The following DEUP1 variants were observed in gnomAD, a reference collection of about 807,000 sequenced individuals.
The protein encoded by DEUP1 is deuterosome assembly protein 1.
A neutral mutation model predicts 87.4 loss-of-function variants in DEUP1; 82 were observed. The observed-to-expected ratio is 0.94, with a 90% CI of 0.78 to 1.13. The LOEUF (loss-of-function observed/expected upper bound fraction) is 1.13. Ranked by LOEUF, DEUP1 falls within the 50% of genes most tolerant of loss-of-function variation. The pLI is 0.00. For missense variants in DEUP1, 663 were observed against 681.5 expected (o/e 0.97, Z 0.30); for synonymous variants, 214 against 222.7 (o/e 0.96, Z 0.35).
intron 11 of DEUP1, among the ~76,000 whole-genome samples, chr11:93,406,958 C>T (rs1414290817): frequency 6.6e-6 from 1 of 151,914 alleles, no homozygotes; most frequent in Non-Finnish European, 1.5e-5. Flanking sequence ...ATCAAGTTGG[C>T]AAATTTAACG....
At chr11:93,392,968 T>TTTC (rs1238545149) in intron 9 of DEUP1, among the ~76,000 whole-genome samples, 2 of 146,070 alleles carry the variant, frequency 1.4e-5, no homozygotes, top group African/African-American at 2.5e-5. Flanking sequence ...CCTCCTCCTC[T>TTTC]TCCTCCTCCT....
chr11:93,339,087 G>T (rs929617228), intron 2 of DEUP1, among the ~76,000 whole-genome samples: 2 of 152,224 alleles, frequency 1.3e-5, no homozygotes, highest in African/African-American at 4.8e-5. Flanking sequence ...AAGTTAGGTT[G>T]TGTCTTGAAA....
intron 13 of DEUP1, among the ~76,000 whole-genome samples, chr11:93,431,035 G>T (rs1948086495): frequency 6.7e-6 from 1 of 148,444 alleles, no homozygotes; most frequent in South Asian, 2.1e-4. Context: ...AGCAGAGGTT[G>T]CAGTGAGCCG....
intron 2 of DEUP1, 93 bp downstream of exon 2, chr11:93,332,381 A>G: frequency 1.0e-6 from 1 of 968,834 alleles, no homozygotes; most frequent in Middle Eastern, 2.1e-4. Context: ...TACTATTAAT[A>G]GAAGGATATG....
chr11:93,379,154 T>C (rs1403751760), intron 7 of DEUP1, among the ~76,000 whole-genome samples: 1 of 152,174 alleles, frequency 6.6e-6, no homozygotes, highest in Non-Finnish European at 1.5e-5. Context: ...ATTGGGGCCA[T>C]TTACAGGATC....
intron 4 of DEUP1, 46 bp downstream of exon 4, chr11:93,357,089 T>C: frequency 8.6e-7 from 1 of 1,163,352 alleles, no homozygotes; most frequent in African/African-American, 1.6e-5. Flanking sequence ...TTGATATATT[T>C]TTTTTTACCT....
intron 7 of DEUP1, among the ~76,000 whole-genome samples, chr11:93,373,624 C>CGTGTGT (rs201373611): frequency 0.36 from 28,705 of 78,664 alleles, 3,221 homozygotes; most frequent in South Asian, 0.54. Context: ...TATATATATA[C>CGTGTGT]GTATATATAT....
At chr11:93,364,805 C>T (rs1945335525) in intron 5 of DEUP1, among the ~76,000 whole-genome samples, 1 of 151,868 alleles carries the variant, frequency 6.6e-6, no homozygotes, top group Non-Finnish European at 1.5e-5. Flanking sequence ...TTCACTATGT[C>T]CTCATAACTA....
chr11:93,375,279 T>C (rs572764798), intron 7 of DEUP1, among the ~76,000 whole-genome samples: 3 of 152,270 alleles, frequency 2.0e-5, no homozygotes, highest in Middle Eastern at 3.4e-3. Flanking sequence ...TGGATGCCCT[T>C]TATTTCTTTC....
At chr11:93,400,193 C>G (rs1362610895) in intron 11 of DEUP1, among the ~76,000 whole-genome samples, 1 of 152,060 alleles carries the variant, frequency 6.6e-6, no homozygotes, top group Non-Finnish European at 1.5e-5. Flanking sequence ...TAACAAAGTA[C>G]CAAAAGCTGG....
At chr11:93,365,297 A>G (rs1945358978) in intron 5 of DEUP1, among the ~76,000 whole-genome samples, 1 of 152,078 alleles carries the variant, frequency 6.6e-6, no homozygotes, top group African/African-American at 2.4e-5. Context: ...AGTCCAGCAC[A>G]TTTTACATGC....
chr11:93,361,119 G>T (rs1465493662), intron 4 of DEUP1, among the ~76,000 whole-genome samples: 2 of 152,092 alleles, frequency 1.3e-5, no homozygotes, highest in African/African-American at 2.4e-5. Context: ...CTCTGGAAAC[G>T]ATGGAGGCTT....
intron 13 of DEUP1, 62 bp downstream of exon 13, chr11:93,415,176 A>AT (rs774259307): frequency 1.0e-6 from 1 of 969,846 alleles, no homozygotes; most frequent in South Asian, 1.5e-5. Context: ...TCTTACACTG[A>AT]TGTCAATAAA....
chr11:93,342,423 A>C lies in DEUP1; in HGVS notation c.29+10135A>C, dbSNP rs977993887. On this transcript the variant is annotated intron_variant, in intron 2 of 13. Coordinates refer to ENST00000298050, the MANE Select transcript of DEUP1 (RefSeq NM_181645.4). Reference sequence around the variant, plus strand: ...CTGACTTGTCACAGAGGCAGCAAAGAGGACTCTAGCTGCAAGAGAAGGCAC... The same window carrying C: ...CTGACTTGTCACAGAGGCAGCAAAGCGGACTCTAGCTGCAAGAGAAGGCAC... 1.1e-4 allele frequency among the ~76,000 whole-genome samples: 17 copies of C among 152,220 alleles called. No individual in the cohort carries two copies. The East Asian group carries it at 1.5e-3, about 14-fold the overall frequency.
intron 13 of DEUP1, 78 bp from the exon 14 acceptor site, chr11:93,437,465 G>A (rs1565359709): frequency 9.2e-7 from 1 of 1,083,086 alleles, no homozygotes; most frequent in Non-Finnish European, 1.3e-6. Context: ...GTATGTCAGG[G>A]ATGAAGCATG....
At chr11:93,399,071 T>C (rs1185594832) in intron 11 of DEUP1, among the ~76,000 whole-genome samples, 1 of 152,142 alleles carries the variant, frequency 6.6e-6, no homozygotes, top group Admixed American at 6.5e-5. Flanking sequence ...TTTGTAACTT[T>C]GTTTATGACT....
intron 5 of DEUP1, among the ~76,000 whole-genome samples, chr11:93,366,939 T>G (rs1945448138): frequency 1.3e-5 from 2 of 152,210 alleles, no homozygotes; most frequent in South Asian, 2.1e-4. Flanking sequence ...AAATCTAGAT[T>G]GCATTAATTT....
At chr11:93,359,811 T>C (rs996605349) in intron 4 of DEUP1, among the ~76,000 whole-genome samples, 2 of 152,152 alleles carry the variant, frequency 1.3e-5, no homozygotes, top group Admixed American at 6.5e-5. Flanking sequence ...TACAAAGGCT[T>C]AGTGGAAAAA....
chr11:93,437,853 G>T lies in DEUP1; in HGVS notation c.*134G>T. The T allele has an allele frequency of 1.6e-6, 1 of 611,738 alleles. No homozygotes were observed. Among genetic ancestry groups the T allele is most frequent in the Non-Finnish European group, 2.9e-6 (1 of 342,400 alleles). 37.9% of individuals were successfully genotyped at this position (611,738 alleles called of 1,614,324 possible). A position where few individuals can be genotyped will look rare whatever the true frequency, so the allele number is the denominator to read the frequency against. On this transcript the variant is annotated 3_prime_UTR_variant, in exon 14 of 14. Coordinates refer to ENST00000298050, the MANE Select transcript of DEUP1 (RefSeq NM_181645.4). ...TCCTTGAGTAAATAATTTCCGTAAG[G>T]CAGCTAGAAAATAGTAAGTATTTTG...
Sources: gnomAD v4.1 joint callset for allele counts (sites outside exome capture counted in the v4.1 genomes callset) on GRCh38, gnomAD v4.1.1 for gene constraint, MANE v1.5 for transcripts, NCBI Gene and HGNC (gene_info 2026-07-23, HGNC 2026-07-21) for gene names.